The following THEMIS variants were observed in gnomAD, a reference collection of about 807,000 sequenced individuals.
THEMIS encodes the protein protein THEMIS.
THEMIS carries 37 observed loss-of-function variants against 52.6 expected under a neutral mutation model. The ratio of observed to expected loss-of-function variants is 0.70; its 90% CI spans 0.54 to 0.93. THEMIS has a LOEUF of 0.93. Among genes scored for constraint, THEMIS ranks in the 40% least tolerant of loss-of-function variants. The probability of loss-of-function intolerance (pLI) is 0.00; values close to 1 mark genes in which losing one functional copy is unlikely to be tolerated. For missense variants in THEMIS, 808 were observed against 763.1 expected (o/e 1.06, Z -0.69); for synonymous variants, 292 against 272.7 (o/e 1.07, Z -0.70).
chr6:127,751,429 C>G (rs1237525989), intron 4 of THEMIS, among the ~76,000 whole-genome samples: 2 of 151,530 alleles, frequency 1.3e-5, no homozygotes, highest in African/African-American at 4.8e-5. Flanking sequence ...AAAGGCAGAT[C>G]AAAGGAATAG....
At chr6:127,711,046 A>C (rs1018025731) in intron 5 of THEMIS, among the ~76,000 whole-genome samples, 4 of 120,028 alleles carry the variant, frequency 3.3e-5, no homozygotes, top group South Asian at 2.7e-4. Flanking sequence ...CTCCTCTCCC[A>C]CTTTCCCTCA....
chr6:127,770,455 C>G (rs1376361678), intron 4 of THEMIS, among the ~76,000 whole-genome samples: 5 of 152,100 alleles, frequency 3.3e-5, no homozygotes, highest in African/African-American at 1.2e-4. Context: ...CCTTTGCCCA[C>G]TTTTTGATGG....
At chr6:127,836,315 C>T (rs1026253978) in intron 2 of THEMIS, among the ~76,000 whole-genome samples, 3 of 152,116 alleles carry the variant, frequency 2.0e-5, no homozygotes, top group Non-Finnish European at 2.9e-5. Context: ...GTTTCTCTCT[C>T]TACACATGGG....
intron 4 of THEMIS, among the ~76,000 whole-genome samples, chr6:127,731,948 C>T (rs1329860464): frequency 7.1e-6 from 1 of 141,152 alleles, no homozygotes; most frequent in African/African-American, 2.6e-5. Context: ...CCTCATGATC[C>T]GCTCACCTCG....
intron 1 of THEMIS, among the ~76,000 whole-genome samples, chr6:127,895,328 G>GA (rs1333877593): frequency 6.6e-6 from 1 of 151,318 alleles, no homozygotes; most frequent in Non-Finnish European, 1.5e-5. Flanking sequence ...AAAAAGGTAA[G>GA]AAAAAACATT....
At chr6:127,865,005 T>C (rs1779929475) in intron 1 of THEMIS, among the ~76,000 whole-genome samples, 1 of 152,102 alleles carries the variant, frequency 6.6e-6, no homozygotes, top group Non-Finnish European at 1.5e-5. Context: ...CTCCCAGCAG[T>C]GATGAGTGAC....
At chr6:127,758,672 T>C (rs950318315) in intron 4 of THEMIS, among the ~76,000 whole-genome samples, 2 of 151,918 alleles carry the variant, frequency 1.3e-5, no homozygotes, top group Non-Finnish European at 1.5e-5. Context: ...TATATAAATA[T>C]GTGTATGCAT....
intron 4 of THEMIS, among the ~76,000 whole-genome samples, chr6:127,731,864 ATT>A (rs58263706): frequency 0.048 from 2,008 of 41,690 alleles, 199 homozygotes; most frequent in Middle Eastern, 0.089. Flanking sequence ...TGCCCGGCTA[ATT>A]TTTTTTTTTT....
At chr6:127,699,430 A>T in the THEMIS span, among the ~76,000 whole-genome samples, 7,168 of 150,212 alleles carry the variant, frequency 0.048, 175 homozygotes, top group East Asian at 0.092. Flanking sequence ...AAAGTAAATA[A>T]TTAAAAGCTA....
At chr6:127,744,063 A>G (rs1307300955) in intron 4 of THEMIS, among the ~76,000 whole-genome samples, 1 of 152,038 alleles carries the variant, frequency 6.6e-6, no homozygotes, top group African/African-American at 2.4e-5. Context: ...ATCAGTGTTG[A>G]CCCTAGAACA....
intron 4 of THEMIS, among the ~76,000 whole-genome samples, chr6:127,730,667 A>G (rs1414152348): frequency 6.6e-6 from 1 of 152,244 alleles, no homozygotes; most frequent in African/African-American, 2.4e-5. Context: ...AAGGTTTACA[A>G]CATGAGAGGC....
intron 4 of THEMIS, among the ~76,000 whole-genome samples, chr6:127,776,230 C>T (rs1776560523): frequency 6.6e-6 from 1 of 152,126 alleles, no homozygotes; most frequent in South Asian, 2.1e-4. Flanking sequence ...TTAAGATGTT[C>T]CACCTGTAAT....
At chr6:127,765,959 G>A (rs1776184064) in intron 4 of THEMIS, among the ~76,000 whole-genome samples, 1 of 151,996 alleles carries the variant, frequency 6.6e-6, no homozygotes, top group African/African-American at 2.4e-5. Flanking sequence ...TGGAAAAAAT[G>A]TTCAATTATT....
chr6:127,738,905 A>G lies in THEMIS; in HGVS notation c.1759-19082T>C, dbSNP rs577695958. On this transcript the variant is annotated intron_variant, in intron 4 of 5. Transcript: ENST00000368248. ...AATTCCTTGGTAAGTCCGGTGTATT[A>G]TATTAGTTTCCTAGGGCTGTTATAG... Among the ~76,000 whole-genome samples, 8 of 152,296 alleles carry G rather than the reference A, an allele frequency of 5.3e-5. No individual in the cohort carries two copies. The South Asian group carries it at 1.5e-3, about 28-fold the overall frequency.
In THEMIS at chr6:127,731,177, C is replaced by G. The variant is rs1009552567; in HGVS notation, c.1759-11354G>C. On this transcript the variant is annotated intron_variant, in intron 4 of 5. Coordinates refer to ENST00000368248, the MANE Select transcript of THEMIS (RefSeq NM_001010923.3). The stretch of plus-strand genomic sequence containing the variant: ...GATTTCATATGTGAATTTATTTTTC[C>G]AGGCTTTTTCAAGAAACACTTTAAA... Among the ~76,000 whole-genome samples, 3 of 152,134 alleles carry G rather than the reference C, an allele frequency of 2.0e-5. No individual in the cohort carries two copies. The East Asian group carries it at 5.8e-4, about 29-fold the overall frequency.
Position 127,812,948 on chromosome 6 carries a change from C to T in THEMIS, c.1693G>A (p.Glu565Lys), listed in dbSNP as rs1777962076. Residue 565 changes from glutamate to lysine, a missense_variant, in exon 4 of 6, where the codon GAA becomes AAA. Glu to Lys is a moderately conservative substitution (Grantham distance 56, BLOSUM62 1). Coordinates refer to ENST00000368248, the MANE Select transcript of THEMIS (RefSeq NM_001010923.3). ...PRPPKHPSVE[E>K]TKLTLLTLAE... is the part of the protein sequence containing the mutation. ...AAGGTTAGCAGGGTTAACTTTGTTT[C>T]CTCTACTGAGGGGTGTTTCGGAGGG... is the stretch of plus-strand genomic sequence containing the variant. The T allele has an allele frequency of 6.2e-7, 1 of 1,613,830 alleles. No individual in the cohort carries two copies. The highest frequency in any genetic ancestry group is 8.5e-7 in the Non-Finnish European group (1 of 1,179,962).
In THEMIS at chr6:127,799,819, C is replaced by T. The variant is rs922255515; in HGVS notation, c.1758+13064G>A. Among the ~76,000 whole-genome samples, 16 of 152,130 alleles carry T rather than the reference C, an allele frequency of 1.1e-4. 1 individual carries two copies. Among genetic ancestry groups the T allele is most frequent in the Non-Finnish European group, 2.1e-4 (14 of 67,978 alleles). ...TTCTTGATTCTCTACCATCCTTTACCCATACCATGATAACAAGTCATATTC... is the reference window on the plus strand; with the variant it reads ...TTCTTGATTCTCTACCATCCTTTACTCATACCATGATAACAAGTCATATTC... On this transcript the variant is annotated intron_variant, in intron 4 of 5. Coordinates refer to ENST00000368248, the MANE Select transcript of THEMIS (RefSeq NM_001010923.3).
chr6:127,715,695 T>A (rs2114470028), intron 5 of THEMIS, among the ~76,000 whole-genome samples: 1 of 152,006 alleles, frequency 6.6e-6, no homozygotes, highest in East Asian at 1.9e-4. Context: ...CCAGGGAGTT[T>A]GTTTTTTTCT....
intron 4 of THEMIS, among the ~76,000 whole-genome samples, chr6:127,810,638 A>G (rs1007314217): frequency 1.3e-5 from 2 of 152,062 alleles, no homozygotes; most frequent in Non-Finnish European, 2.9e-5. Context: ...TAAAACAATA[A>G]ATTTCTGTTC....
Sources: allele counts gnomAD v4.1 joint callset (sites outside exome capture counted in the v4.1 genomes callset), GRCh38; gene constraint gnomAD v4.1.1; transcripts MANE v1.5; gene names NCBI Gene and HGNC (gene_info 2026-07-23, HGNC 2026-07-21).